Variants in FASN observed in about 807,000 individuals in gnomAD.
FASN encodes the protein fatty acid synthase, also known as 3-hydroxyacyl-[acyl-carrier-protein] dehydratase.
A neutral mutation model predicts 250.0 loss-of-function variants in FASN; 50 were observed. The observed-to-expected ratio is 0.20, with a 90% confidence interval of 0.16 to 0.25. The LOEUF is 0.25. Ranked by LOEUF, FASN falls within the 10% of genes least tolerant of loss-of-function variation. The pLI, the probability that FASN is intolerant of heterozygous loss-of-function variation, is 1.00. For synonymous variants in FASN, 1,909 were observed against 1,584.0 expected (o/e 1.21, Z -4.87); for missense variants, 3,031 against 3,498.5 (o/e 0.87, Z 3.37).
intron 15 of FASN, 22 bp downstream of exon 15, chr17:82,088,739 C>G: frequency 6.2e-7 from 1 of 1,602,636 alleles, no homozygotes; most frequent in South Asian, 1.1e-5. Context: ...GGAGACGAGA[C>G]CCGGGCTGGG....
Position 82,091,269 on chromosome 17 carries a change from A to C in FASN, c.1445T>G (p.Val482Gly). 6.2e-7 allele frequency: 1 copy of C among 1,604,246 alleles called. No individual in the cohort carries two copies. Among genetic ancestry groups the C allele is most frequent in the Non-Finnish European group, 8.5e-7 (1 of 1,175,492 alleles). The stretch of plus-strand genomic sequence containing the variant: ...GCGCTCGCCAGCGGGCACCTGCTGC[A>C]CCTCTGGGCCACCGCGCTCACCACC... ...VLGGERGGPE[V>G]QQVPAGERPL... is the part of the protein sequence containing the mutation. Residue 482 changes from valine (V) to glycine (G), a missense_variant, in exon 9 of 43, where the codon GTG becomes GGG. Transcript: ENST00000306749.
In FASN at chr17:82,087,831, G is replaced by C. The variant is rs2034132933; in HGVS notation, c.2897C>G (p.Pro966Arg). The change falls in exon 19 of 43, where the codon CCC becomes CGC. Residue 966 changes from proline (P) to arginine (R), a missense_variant. By Grantham distance (103) the Pro-to-Arg change is moderately radical (BLOSUM62 -2). Coordinates refer to ENST00000306749, the MANE Select transcript of FASN (RefSeq NM_004104.5). ...GKVYQWDDPDPRLFDHPESPT... is the reference protein window; with the variant it reads ...GKVYQWDDPDRRLFDHPESPT... ...GCTTTCCGGGTGGTCGAAGAGCCTGGGGTCAGGGTCATCCCACTGGTACAC... is the reference window on the plus strand; with the variant it reads ...GCTTTCCGGGTGGTCGAAGAGCCTGCGGTCAGGGTCATCCCACTGGTACAC... 1 of 1,612,544 alleles carries C rather than the reference G, an allele frequency of 6.2e-7. No individual in the cohort carries two copies. The highest frequency in any genetic ancestry group is 1.3e-5 in the African/African-American group (1 of 74,938).
Position 82,092,473 on chromosome 17 carries a change from C to A in FASN, c.1011G>T (p.Gly337=). 1 of 1,581,502 alleles carries A rather than the reference C, an allele frequency of 6.3e-7. No individual in the cohort carries two copies. Residue 337 remains glycine, a synonymous_variant, in exon 8 of 43, where the codon GGG becomes GGT. Transcript: ENST00000306749. The stretch of plus-strand genomic sequence containing the variant: ...CACCTACCTTGGCCAGGGCTGCCAG[C>A]CCCGAGGCTGGCTCCGGGTGCCCCA... ...SNMGHPEPAS[G]LAALAKVLLS... is the part of the protein sequence containing the mutation.
intron 21 of FASN, 132 bp downstream of exon 21, chr17:82,086,918 G>T: frequency 1.0e-6 from 1 of 986,950 alleles, no homozygotes; most frequent in Non-Finnish European, 1.5e-6. Flanking sequence ...GTGAGCTCCG[G>T]CCGGAGGGTT....
chr17:82,086,305 G>A lies in FASN; in HGVS notation c.3681C>T (p.Cys1227=), dbSNP rs374628982. Residue 1227 remains cysteine (C), a synonymous_variant, in exon 22 of 43, where the codon TGC becomes TGT. Transcript: ENST00000306749. ...GLLDSPALKA[C]LDTAVENMPS... Reference sequence around the variant, plus strand: ...GCATGTTCTCCACGGCAGTGTCCAGGCAGGCCTTGAGTGCCGGGGAGTCCA... The same window carrying A: ...GCATGTTCTCCACGGCAGTGTCCAGACAGGCCTTGAGTGCCGGGGAGTCCA... 3.8e-6 allele frequency: 6 copies of A among 1,598,474 alleles called. No individual in the cohort carries two copies. Among genetic ancestry groups the A allele is most frequent in the Non-Finnish European group, 3.4e-6 (4 of 1,177,102 alleles).
In FASN at chr17:82,080,408, A is replaced by G. The variant is rs767046423; in HGVS notation, c.7009T>C (p.Phe2337Leu). ...PAPTHNSLFL[F>L]DGSPTYVLAY... ...AGTACGTAGGTGGGCGAGCCGTCGAACAGGAAGAGGCTGTTGTGGGTGGGG... is the reference window on the plus strand; with the variant it reads ...AGTACGTAGGTGGGCGAGCCGTCGAGCAGGAAGAGGCTGTTGTGGGTGGGG... Residue 2337 changes from phenylalanine to leucine, a missense_variant, in exon 40 of 43, where the codon TTC becomes CTC. Transcript: ENST00000306749. The G allele has an allele frequency of 1.2e-6, 2 of 1,603,488 alleles. No homozygotes were observed. The highest frequency in any genetic ancestry group is 1.7e-5 in the Admixed American group (1 of 58,302).
intron 8 of FASN, among the ~76,000 whole-genome samples, chr17:82,092,052 C>T (rs1211696518): frequency 6.6e-6 from 1 of 152,176 alleles, no homozygotes; most frequent in African/African-American, 2.4e-5. Flanking sequence ...GGCTCCTGTG[C>T]CTGGTCTCTC....
At position 82,095,317 on chromosome 17, in the gene FASN, C is replaced by T; in HGVS notation, c.280+3G>A. On this transcript the variant is annotated splice_donor_region_variant and intron_variant, in intron 3 of 42. Coordinates refer to ENST00000306749, the MANE Select transcript of FASN (RefSeq NM_004104.5). ...GCGCAGCAGTCGCGAATGCCCGACC[C>T]ACCTCCGTCCACGATGGCTTCATAG... is the stretch of plus-strand genomic sequence containing the variant. 2.5e-6 allele frequency: 4 copies of T among 1,612,872 alleles called. No individual in the cohort carries two copies. The highest frequency in any genetic ancestry group is 3.4e-6 in the Non-Finnish European group (4 of 1,179,990).
chr17:82,079,330 C>T (rs780454322), intron 42 of FASN, 27 bp downstream of exon 42: 1 of 1,612,966 alleles, frequency 6.2e-7, no homozygotes, highest in Non-Finnish European at 8.5e-7. Flanking sequence ...TGTCCCTGTC[C>T]CCGTTCCCGT....
rs1383949681 is a variant in FASN at position 82,084,272 on chromosome 17, C to G, written c.4881G>C (p.Leu1627=). ...CATCCCAGAGGAAGTCCGGTGACAG[C>G]AGGACAGAGGTGGCCAGGCCCTTGG... is the stretch of plus-strand genomic sequence containing the variant. ...VPAKGLATSV[L]LSPDFLWDVP... is the part of the protein sequence containing the mutation. Residue 1627 remains leucine (L), a synonymous_variant, in exon 28 of 43, where the codon CTG becomes CTC. Coordinates refer to ENST00000306749, the MANE Select transcript of FASN (RefSeq NM_004104.5). 2 of 1,612,040 alleles carry G rather than the reference C, an allele frequency of 1.2e-6. No individual in the cohort carries two copies. Among genetic ancestry groups the G allele is most frequent in the Non-Finnish European group, 1.7e-6 (2 of 1,179,616 alleles).
rs17848924 is a variant in FASN at position 82,092,685 on chromosome 17, G to T, written c.894+12C>A. ...ATGGGGTGGTGAGTGGGGCGGGGGGGGGGGGCATCACCTTGGTGCCTGTGC... is the reference window on the plus strand; with the variant it reads ...ATGGGGTGGTGAGTGGGGCGGGGGGTGGGGGCATCACCTTGGTGCCTGTGC... On this transcript the variant is annotated intron_variant, in intron 7 of 42. Coordinates refer to ENST00000306749, the MANE Select transcript of FASN (RefSeq NM_004104.5). The T allele has an allele frequency of 2.3e-4, 301 of 1,287,880 alleles. 4 individuals are homozygous for T. The South Asian group carries it at 3.4e-3, about 15-fold the overall frequency. 79.8% of individuals were successfully genotyped at this position (1,287,880 alleles called of 1,614,324 possible). A position where few individuals can be genotyped will look rare whatever the true frequency, so the allele number is the denominator to read the frequency against.
chr17:82,083,248 A>C lies in FASN; in HGVS notation c.5519T>G (p.Phe1840Cys). ...VFHGAQVEDA[F>C]RYMAQGKHIG... ...GTGCTTCCCTTGGGCCATGTAGCGG[A>C]AGGCGTCCTCCACCTGGGCCCCATG... Residue 1840 changes from phenylalanine (F) to cysteine (C), a missense_variant, in exon 32 of 43, where the codon TTC becomes TGC. Physicochemically the swap from Phe to Cys is radical, Grantham distance 205. Transcript: ENST00000306749. 1 of 1,612,684 alleles carries C rather than the reference A, an allele frequency of 6.2e-7. No homozygotes were observed. The highest frequency in any genetic ancestry group is 2.2e-5 in the East Asian group (1 of 44,876).
chr17:82,091,134 C>T, intron 9 of FASN, 65 bp from the exon 10 acceptor site: 1 of 1,604,590 alleles, frequency 6.2e-7, no homozygotes, highest in Non-Finnish European at 8.5e-7. Flanking sequence ...CATCCCCGTC[C>T]CAGAGAGCAC....
chr17:82,090,842 G>C, intron 10 of FASN, 40 bp downstream of exon 10: 1 of 1,552,296 alleles, frequency 6.4e-7, no homozygotes, highest in Non-Finnish European at 8.7e-7. Context: ...CCAGAGCCCT[G>C]GGGCTGGCGT....
chr17:82,084,157 G>A lies in FASN; in HGVS notation c.4920-4C>T. ...CGAGGCCGCCTCCTCCAGCGTCCTG[G>A]GGATGCAGCAGGTGGGTCAGCACAG... is the stretch of plus-strand genomic sequence containing the variant. On this transcript the variant is annotated splice_polypyrimidine_tract_variant and splice_region_variant and intron_variant, in intron 28 of 42. Coordinates refer to ENST00000306749, the MANE Select transcript of FASN (RefSeq NM_004104.5). The A allele has an allele frequency of 3.1e-6, 5 of 1,602,132 alleles. No individual in the cohort carries two copies. Among genetic ancestry groups the A allele is most frequent in the Non-Finnish European group, 4.3e-6 (5 of 1,175,316 alleles).
chr17:82,082,591 G>C lies in FASN; in HGVS notation c.5855C>G (p.Ala1952Gly). 6.2e-7 allele frequency: 1 copy of C among 1,610,158 alleles called. No homozygotes were observed. The highest frequency in any genetic ancestry group is 8.5e-7 in the Non-Finnish European group (1 of 1,179,872). ...CGCCGCCTCGGCAATGAGGCCCCGG[G>C]CCCCCTCCAGTGAGCTGATGTTGCT... is the stretch of plus-strand genomic sequence containing the variant. ...STSNISSLEG[A>G]RGLIAEAAQL... is the part of the protein sequence containing the mutation. Residue 1952 changes from alanine (A) to glycine (G), a missense_variant, in exon 34 of 43, where the codon GCC (alanine) becomes GGC (glycine). Physicochemically the swap from Ala to Gly is moderately conservative, Grantham distance 60. Coordinates refer to ENST00000306749, the MANE Select transcript of FASN (RefSeq NM_004104.5).
Position 82,083,008 on chromosome 17 carries a change from A to G in FASN, c.5673T>C (p.Gly1891=). The G allele has an allele frequency of 6.2e-7, 1 of 1,612,850 alleles. No homozygotes were observed. Among genetic ancestry groups the G allele is most frequent in the South Asian group, 1.1e-5 (1 of 91,078 alleles). The change falls in exon 33 of 43, where the codon GGT becomes GGC. Residue 1891 remains glycine, a synonymous_variant. Coordinates refer to ENST00000306749, the MANE Select transcript of FASN (RefSeq NM_004104.5). ...CPAHKSYIIA[G]GLGGFGLELA... ...ACTCCAGGCCGAAGCCACCCAGACCACCAGCGATGATGTAGCTCTTGTGGG... is the reference window on the plus strand; with the variant it reads ...ACTCCAGGCCGAAGCCACCCAGACCGCCAGCGATGATGTAGCTCTTGTGGG...
intron 41 of FASN, 119 bp downstream of exon 41, chr17:82,080,021 A>T: frequency 1.8e-6 from 2 of 1,120,098 alleles, no homozygotes; most frequent in South Asian, 1.2e-5. Context: ...ATCGGCTATT[A>T]AAGGGGTGAA....
At chr17:82,095,115 G>A (rs945272800) in intron 3 of FASN, among the ~76,000 whole-genome samples, 4 of 152,214 alleles carry the variant, frequency 2.6e-5, no homozygotes, top group African/African-American at 7.2e-5. Flanking sequence ...GGGCACACCC[G>A]CGACACCTCT....
Sources: allele counts gnomAD v4.1 joint callset (sites outside exome capture counted in the v4.1 genomes callset), GRCh38; gene constraint gnomAD v4.1.1; transcripts MANE v1.5; gene names NCBI Gene and HGNC (gene_info 2026-07-23, HGNC 2026-07-21).